Variants in POLRMT observed in about 807,000 individuals in gnomAD.
POLRMT encodes the protein RNA polymerase mitochondrial.
In POLRMT, 114 loss-of-function variants were observed where a neutral mutation model predicts 132.2. The ratio of observed to expected loss-of-function variants is 0.86; its 90% CI spans 0.74 to 1.01. The LOEUF is 1.01. Among genes scored for constraint, POLRMT ranks in the 50% least tolerant of loss-of-function variants. POLRMT has a pLI of 0.00. For synonymous variants in POLRMT, 1,020 were observed against 773.4 expected (o/e 1.32, Z -5.29); for missense variants, 2,003 against 1,729.1 (o/e 1.16, Z -2.81).
intron 3 of POLRMT, 159 bp from the exon 4 acceptor site, chr19:625,413 T>C (rs977577537): frequency 3.2e-6 from 3 of 931,866 alleles, no homozygotes; most frequent in Non-Finnish European, 4.7e-6. Flanking sequence ...CCCCCTGAGG[T>C]TCTGACACAC....
Position 622,213 on chromosome 19 carries a change from G to T in POLRMT, c.1787C>A (p.Pro596Gln). ...ATQMPCSLDKPHRSSRLVPVL... is the reference protein window; with the variant it reads ...ATQMPCSLDKQHRSSRLVPVL... Reference sequence around the variant, plus strand: ...GGGGACAAGCCGAGAGGAACGATGCGGCTTGTCCAGGCTGCATGGCATCTG... The same window carrying T: ...GGGGACAAGCCGAGAGGAACGATGCTGCTTGTCCAGGCTGCATGGCATCTG... Residue 596 changes from proline (P) to glutamine (Q), a missense_variant, in exon 9 of 21, where the codon CCG (proline) becomes CAG (glutamine). By Grantham distance (76) the Pro-to-Gln change is moderately conservative (BLOSUM62 -1). Transcript: ENST00000588649. The T allele has an allele frequency of 6.4e-7, 1 of 1,568,044 alleles. No individual in the cohort carries two copies. Among genetic ancestry groups the T allele is most frequent in the Non-Finnish European group, 8.6e-7 (1 of 1,159,394 alleles).
At chr19:623,233 G>C (rs867926551) in intron 6 of POLRMT, among the ~76,000 whole-genome samples, 2 of 152,246 alleles carry the variant, frequency 1.3e-5, no homozygotes, top group Admixed American at 6.5e-5. Context: ...GACCCCACAA[G>C]TTTTCCCTGA....
intron 9 of POLRMT, 46 bp downstream of exon 9, chr19:622,103 C>G: frequency 6.8e-7 from 1 of 1,480,172 alleles, no homozygotes; most frequent in Non-Finnish European, 9.0e-7. Flanking sequence ...GGTCCCTGGT[C>G]CTCCCAGCGG....
Position 617,289 on chromosome 19 carries a change from G to A in POLRMT, c.3678C>T (p.Thr1226=), listed in dbSNP as rs1183750830. The A allele has an allele frequency of 3.1e-6, 5 of 1,612,772 alleles. No individual in the cohort carries two copies. Among genetic ancestry groups the A allele is most frequent in the South Asian group, 2.2e-5 (2 of 91,082 alleles). Residue 1226 remains threonine, a synonymous_variant, in exon 21 of 21, where the codon ACC becomes ACT. Transcript: ENST00000588649. ...TCACGGGGTGTCAGCTGAAGAAGTAGGTGGAACGCTTCACCTGCTCCAGGT... is the reference window on the plus strand; with the variant it reads ...TCACGGGGTGTCAGCTGAAGAAGTAAGTGGAACGCTTCACCTGCTCCAGGT... ...AFDLEQVKRS[T]YFFS is the part of the protein sequence containing the mutation.
rs751211087 is a variant in POLRMT, at chr19:618,573, G to C, written c.3337C>G (p.Arg1113Gly). The stretch of plus-strand genomic sequence containing the variant: ...GGCGGGAAGCCGTTCTTCTGCTTAC[G>C]TGTGTTGGGCTTTCTGAGGACGGAA... ...NGDISRKPNT[R>G]KQKNGFPPNF... The change falls in exon 17 of 21, where the codon CGT becomes GGT. Residue 1113 changes from arginine (R) to glycine (G), a missense_variant. Physicochemically the swap from Arg to Gly is moderately radical, Grantham distance 125. Transcript: ENST00000588649. 16 of 1,612,848 alleles carry C rather than the reference G, an allele frequency of 9.9e-6. No individual in the cohort carries two copies. In the Admixed American group the frequency reaches 2.2e-4, roughly 22 times the overall value.
intron 4 of POLRMT, 47 bp from the exon 5 acceptor site, chr19:624,952 G>T: frequency 6.4e-7 from 1 of 1,567,370 alleles, no homozygotes. Flanking sequence ...CCCCACGCTG[G>T]GCTTCCACAG....
chr19:624,755 G>T lies in POLRMT; in HGVS notation c.1104C>A (p.Val368=), dbSNP rs768896725. Reference sequence around the variant, plus strand: ...CGTCCCTGAGCAGCTTGGAGGTGTTGACCGGGGGCGGCAGCTGCGGCGGGA... The same window carrying T: ...CGTCCCTGAGCAGCTTGGAGGTGTTTACCGGGGGCGGCAGCTGCGGCGGGA... ...FSLPPQLPPP[V]NTSKLLRDVY... Residue 368 remains valine, a synonymous_variant, in exon 5 of 21, where the codon GTC becomes GTA. Coordinates refer to ENST00000588649, the MANE Select transcript of POLRMT (RefSeq NM_005035.4). 4 of 1,613,938 alleles carry T rather than the reference G, an allele frequency of 2.5e-6. No individual in the cohort carries two copies. The highest frequency in any genetic ancestry group is 2.5e-6 in the Non-Finnish European group (3 of 1,180,018).
rs764670541 is a variant in POLRMT at position 621,106 on chromosome 19, C to T, written c.2592G>A (p.Ala864=). 5.0e-6 allele frequency: 8 copies of T among 1,608,874 alleles called. No homozygotes were observed. Among genetic ancestry groups the T allele is most frequent in the South Asian group, 1.1e-5 (1 of 90,922 alleles). Residue 864 remains alanine (A), a synonymous_variant, in exon 10 of 21, where the codon GCG becomes GCA. Transcript: ENST00000588649. ...CCAGGATGTCATCCATCACCTCCTC[C>T]GCAAAGGCCAGGCGCTTCCGCAGCG... The part of the protein sequence containing the change: ...REPLRKRLAF[A]EEVMDDILDS...
In POLRMT at chr19:622,187, C is replaced by T. The variant is rs763712009; in HGVS notation, c.1813G>A (p.Val605Met). Reference sequence around the variant, plus strand: ...CGGAAGGAATACACGTGGTAGAGCACGGGGACAAGCCGAGAGGAACGATGC... The same window carrying T: ...CGGAAGGAATACACGTGGTAGAGCATGGGGACAAGCCGAGAGGAACGATGC... ...KPHRSSRLVP[V>M]LYHVYSFRNV... is the part of the protein sequence containing the mutation. Residue 605 changes from valine to methionine, a missense_variant, in exon 9 of 21, where the codon GTG becomes ATG. Transcript: ENST00000588649. 26 of 1,570,408 alleles carry T rather than the reference C, an allele frequency of 1.7e-5. No individual in the cohort carries two copies. The highest frequency in any genetic ancestry group is 2.0e-5 in the Non-Finnish European group (23 of 1,162,254).
rs141490879 is a variant in POLRMT at position 622,832 on chromosome 19, T to A, written c.1444A>T (p.Met482Leu). 3.1e-6 allele frequency: 5 copies of A among 1,596,080 alleles called. No individual in the cohort carries two copies. Among genetic ancestry groups the A allele is most frequent in the African/African-American group, 1.3e-5 (1 of 74,450 alleles). Residue 482 changes from methionine to leucine, a missense_variant, in exon 7 of 21, where the codon ATG (methionine) becomes TTG (leucine). By Grantham distance (15) the Met-to-Leu change is conservative. Coordinates refer to ENST00000588649, the MANE Select transcript of POLRMT (RefSeq NM_005035.4). ...CLLDEREVVR[M>L]LLQVLQALPA... is the part of the protein sequence containing the mutation. Reference sequence around the variant, plus strand: ...GGAGGAAGACGCACCTGCAGGAGCATCCGCACCACCTCGCGCTCGTCCAGC... The same window carrying A: ...GGAGGAAGACGCACCTGCAGGAGCAACCGCACCACCTCGCGCTCGTCCAGC...
chr19:629,482 G>A, intron 3 of POLRMT, 58 bp downstream of exon 3: 2 of 1,441,976 alleles, frequency 1.4e-6, no homozygotes, highest in Middle Eastern at 2.7e-4. Flanking sequence ...GTCTAAATGA[G>A]GGCAAGTTCC....
intron 3 of POLRMT, among the ~76,000 whole-genome samples, chr19:628,899 G>A (rs1985211319): frequency 6.6e-6 from 1 of 152,130 alleles, no homozygotes; most frequent in Non-Finnish European, 1.5e-5. Flanking sequence ...AGCTACTTAG[G>A]AGGCTGAGGC....
At position 617,643 on chromosome 19, in the gene POLRMT, G is replaced by A; in HGVS notation, c.3508C>T (p.Gln1170Ter). Residue 1170 changes from glutamine (Q) to a stop codon, truncating the protein, a stop_gained, in exon 19 of 21, where the codon CAG becomes TAG. Transcript: ENST00000588649. LOFTEE classifies it high-confidence loss of function. ...GGCTCGCTGTGCAAGCGGACAAACT[G>A]CTCCCGGCACACCTGGGCAGGAGTC... Reference protein sequence around the residue: ...VSVMNQVCREQFVRLHSEPIL... With the variant: ...VSVMNQVCRE 1 of 1,612,468 alleles carries A rather than the reference G, an allele frequency of 6.2e-7. No homozygotes were observed. The highest frequency in any genetic ancestry group is 8.5e-7 in the Non-Finnish European group (1 of 1,179,966).
At position 619,306 on chromosome 19, in the gene POLRMT, GC is replaced by G. The variant is rs772423941; in HGVS notation, c.3067-11del. 4.6e-5 allele frequency: 74 copies of G among 1,608,430 alleles called. No individual in the cohort carries two copies. Among genetic ancestry groups the G allele is most frequent in the Non-Finnish European group, 5.9e-5 (70 of 1,179,090 alleles). On this transcript the variant is annotated splice_polypyrimidine_tract_variant and intron_variant, in intron 13 of 20. Coordinates refer to ENST00000588649, the MANE Select transcript of POLRMT (RefSeq NM_005035.4). ...CCTCCCACACGAACTCCTGCAGAGG[GC>G]GGGCAGCAGGTGCAGGTCCTCAGGG...
chr19:631,655 T>C (rs1985427724), intron 2 of POLRMT, among the ~76,000 whole-genome samples: 1 of 152,046 alleles, frequency 6.6e-6, no homozygotes, highest in Admixed American at 6.6e-5. Context: ...AAAAAATTGC[T>C]GAAATAAAAA....
chr19:626,696 C>A (rs866119737), intron 3 of POLRMT, among the ~76,000 whole-genome samples: 37 of 104,994 alleles, frequency 3.5e-4, no homozygotes, highest in African/African-American at 4.3e-4. Flanking sequence ...ACTAAAAATA[C>A]AAAAAAAAAA....
chr19:619,290 C>T lies in POLRMT; in HGVS notation c.3073G>A (p.Val1025Met), dbSNP rs752978156. 1.6e-5 allele frequency: 25 copies of T among 1,608,398 alleles called. No individual in the cohort carries two copies. The highest frequency in any genetic ancestry group is 2.0e-5 in the Non-Finnish European group (23 of 1,179,300). The part of the protein sequence containing the change: ...RELSDFPQEF[V>M]WEASHYLVRQ... ...ACGAGATAGTGAGAGGCCTCCCACA[C>T]GAACTCCTGCAGAGGGCGGGCAGCA... is the stretch of plus-strand genomic sequence containing the variant. Residue 1025 changes from valine (V) to methionine (M), a missense_variant, in exon 14 of 21, where the codon GTG becomes ATG. Coordinates refer to ENST00000588649, the MANE Select transcript of POLRMT (RefSeq NM_005035.4).
chr19:626,179 C>T lies in POLRMT; in HGVS notation c.823-925G>A, dbSNP rs571917551. Among the ~76,000 whole-genome samples the T allele has an allele frequency of 5.3e-5, 8 of 152,064 alleles. No individual in the cohort carries two copies. In the South Asian group the frequency reaches 1.7e-3, roughly 32 times the overall value. On this transcript the variant is annotated intron_variant, in intron 3 of 20. Transcript: ENST00000588649. ...ATTTAATTATTTTTTTAGATAGAGT[C>T]TCGCTCTGTCGCCCAGGCTGGAGTG...
At position 619,043 on chromosome 19, in the gene POLRMT, AG is replaced by A; in HGVS notation, c.3220del (p.Leu1074TrpfsTer18). On this transcript the variant is annotated frameshift_variant, in exon 15 of 21. Coordinates refer to ENST00000588649, the MANE Select transcript of POLRMT (RefSeq NM_005035.4). LOFTEE classifies it high-confidence loss of function. ...MGSVVEWVTPLGVPVIQPYRL... is the reference protein window; with the variant it reads ...MGSVVEWVTPXGVPVIQPYRL... ...ATAGGGCTGGATGACGGGGACGCCC[AG>A]GGGTGTGACCCACTCCACCACAGAG... 1.2e-6 allele frequency: 2 copies of A among 1,605,090 alleles called. No homozygotes were observed. Among genetic ancestry groups the A allele is most frequent in the East Asian group, 2.2e-5 (1 of 44,744 alleles).
Sources: gnomAD v4.1 joint callset for allele counts (sites outside exome capture counted in the v4.1 genomes callset) on GRCh38, gnomAD v4.1.1 for gene constraint, MANE v1.5 for transcripts, NCBI Gene and HGNC (gene_info 2026-07-23, HGNC 2026-07-21) for gene names.